SERPINE2: variants seen among roughly 807,000 people sequenced by gnomAD.
SERPINE2 encodes serpin family E member 2, also known as glia-derived nexin.
A neutral mutation model predicts 36.3 loss-of-function variants in SERPINE2; 14 were observed. That is an observed-to-expected ratio of 0.39 (90% CI 0.25 to 0.60). SERPINE2 has a LOEUF of 0.60. Ranked by LOEUF, SERPINE2 falls within the 20% of genes least tolerant of loss-of-function variation. The probability of loss-of-function intolerance (pLI) is 0.57; values close to 1 mark genes in which losing one functional copy is unlikely to be tolerated. For missense variants in SERPINE2, 418 were observed against 499.6 expected (o/e 0.84, Z 1.56); for synonymous variants, 192 against 191.8 (o/e 1.00, Z -0.01).
chr2:224,026,016 T>C (rs1287053778), intron 1 of SERPINE2, among the ~76,000 whole-genome samples: 1 of 152,242 alleles, frequency 6.6e-6, no homozygotes, highest in African/African-American at 2.4e-5. Flanking sequence ...AAGGCTGAAC[T>C]GTTCTTAATG....
chr2:224,015,422 G>A (rs1691769707), intron 1 of SERPINE2, among the ~76,000 whole-genome samples: 1 of 152,216 alleles, frequency 6.6e-6, no homozygotes, highest in African/African-American at 2.4e-5. Context: ...CAAAGGGGCG[G>A]AGAGATGGAA....
chr2:224,031,365 G>C (rs1165519322), intron 1 of SERPINE2: 2 of 985,290 alleles, frequency 2.0e-6, no homozygotes, highest in East Asian at 1.1e-4. Context: ...AGGCAGGCAC[G>C]AGGCTCTAGG....
chr2:224,016,808 A>G (rs1371245327), intron 1 of SERPINE2, among the ~76,000 whole-genome samples: 1 of 152,222 alleles, frequency 6.6e-6, no homozygotes, highest in East Asian at 1.9e-4. Context: ...GAAATAAACT[A>G]CTGACACACA....
intron 1 of SERPINE2, among the ~76,000 whole-genome samples, chr2:224,025,608 C>T (rs1169217075): frequency 6.6e-6 from 1 of 152,188 alleles, no homozygotes. Flanking sequence ...TTCCATGAAG[C>T]AATTTAGCTC....
chr2:224,026,977 T>C (rs1425975472), intron 1 of SERPINE2, among the ~76,000 whole-genome samples: 2 of 152,178 alleles, frequency 1.3e-5, no homozygotes, highest in East Asian at 1.9e-4. Context: ...ATACCAATTC[T>C]ACAAAGTTTC....
chr2:223,980,621 C>G (rs1414456858), intron 6 of SERPINE2: 1 of 492,576 alleles, frequency 2.0e-6, no homozygotes, highest in Non-Finnish European at 3.7e-6. Context: ...GAGAAGGGCC[C>G]AGGCCCTCAA....
At chr2:223,998,012 C>T in intron 3 of SERPINE2, 103 bp downstream of exon 3, 1 of 878,762 alleles carries the variant, frequency 1.1e-6, no homozygotes, top group Non-Finnish European at 1.8e-6. Flanking sequence ...TCTCAACCCA[C>T]AGGCCATTGA....
chr2:224,018,180 G>T (rs1056370713), intron 1 of SERPINE2, among the ~76,000 whole-genome samples: 1 of 152,204 alleles, frequency 6.6e-6, no homozygotes, highest in African/African-American at 2.4e-5. Flanking sequence ...GGTCACTGGC[G>T]ACTGAGGAAA....
At chr2:224,038,747 C>G in intron 1 of SERPINE2, 1 of 550,542 alleles carries the variant, frequency 1.8e-6, no homozygotes, top group Non-Finnish European at 3.2e-6. Context: ...TCAGGGCCGG[C>G]TCGGATGGCC....
chr2:224,034,132 C>T (rs1037304230), intron 1 of SERPINE2, among the ~76,000 whole-genome samples: 5 of 152,110 alleles, frequency 3.3e-5, no homozygotes, highest in Non-Finnish European at 7.4e-5. Context: ...GCAAATAAAA[C>T]TAAAACACAG....
At position 224,016,265 on chromosome 2, in the gene SERPINE2, C is replaced by T. The variant is rs142075580; in HGVS notation, c.-22-14343G>A. Among the ~76,000 whole-genome samples, 1,488 of 152,210 alleles carry T rather than the reference C, an allele frequency of 9.8e-3. 25 individuals carry two copies. Among genetic ancestry groups the T allele is most frequent in the African/African-American group, 0.032 (1,344 of 41,548 alleles). On this transcript the variant is annotated intron_variant, in intron 1 of 8. Coordinates refer to ENST00000409304, the MANE Select transcript of SERPINE2 (RefSeq NM_001136528.2). Reference sequence around the variant, plus strand: ...CTGTAATCCCAGCACTTTGGGAGGCCGAGACAGGCGGATCACCTGAGCCCG... The same window carrying T: ...CTGTAATCCCAGCACTTTGGGAGGCTGAGACAGGCGGATCACCTGAGCCCG...
chr2:224,012,263 C>T (rs1405760745), intron 1 of SERPINE2, among the ~76,000 whole-genome samples: 8 of 152,112 alleles, frequency 5.3e-5, no homozygotes, highest in Non-Finnish European at 1.0e-4. Context: ...GGGATTGCTT[C>T]TGGGAGAACA....
chr2:223,977,096 GCCAT>G (rs1690043447), intron 8 of SERPINE2, among the ~76,000 whole-genome samples: 6 of 152,182 alleles, frequency 3.9e-5, no homozygotes, highest in Admixed American at 3.9e-4. Context: ...GGCTTCCCTA[GCCAT>G]GTGAAACTGT....
At chr2:224,026,356 T>A (rs1379261819) in intron 1 of SERPINE2, among the ~76,000 whole-genome samples, 2 of 152,240 alleles carry the variant, frequency 1.3e-5, no homozygotes, top group African/African-American at 2.4e-5. Context: ...AACTCTGAAG[T>A]TATAACCTCA....
At chr2:224,034,941 T>A (rs1023745375) in intron 1 of SERPINE2, among the ~76,000 whole-genome samples, 4 of 152,216 alleles carry the variant, frequency 2.6e-5, no homozygotes, top group Admixed American at 2.0e-4. Context: ...TGTATAAAGA[T>A]AGCGGAGAGC....
chr2:223,998,295 T>C lies in SERPINE2; in HGVS notation c.307A>G (p.Lys103Glu), dbSNP rs1690975070. The C allele has an allele frequency of 6.2e-6, 10 of 1,614,188 alleles. No individual in the cohort carries two copies. Among genetic ancestry groups the C allele is most frequent in the Non-Finnish European group, 7.6e-6 (9 of 1,180,000 alleles). Residue 103 changes from lysine (K) to glutamate (E), a missense_variant, in exon 3 of 9, where the codon AAG (lysine) becomes GAG (glutamate). Physicochemically the swap from Lys to Glu is moderately conservative, Grantham distance 56. Transcript: ENST00000409304. ...GCCACTGTCACAATGTCTTTATTCTTCTTGGAGACGATGGCCTTGTTGATC... is the reference window on the plus strand; with the variant it reads ...GCCACTGTCACAATGTCTTTATTCTCCTTGGAGACGATGGCCTTGTTGATC... ...KKINKAIVSK[K>E]NKDIVTVANA...
chr2:224,016,369 C>A lies in SERPINE2; in HGVS notation c.-22-14447G>T, dbSNP rs562723627. ...AAAAATATAAAAATTAGTCAGTCGTCGCGGCAGGTGCCTATAATCCCAGCT... is the reference window on the plus strand; with the variant it reads ...AAAAATATAAAAATTAGTCAGTCGTAGCGGCAGGTGCCTATAATCCCAGCT... On this transcript the variant is annotated intron_variant, in intron 1 of 8. Transcript: ENST00000409304. Among the ~76,000 whole-genome samples, 6 of 152,182 alleles carry A rather than the reference C, an allele frequency of 3.9e-5. No individual in the cohort carries two copies. In the South Asian group the frequency reaches 1.2e-3, roughly 32 times the overall value.
chr2:224,013,079 G>C (rs781666575), intron 1 of SERPINE2, among the ~76,000 whole-genome samples: 1 of 152,126 alleles, frequency 6.6e-6, no homozygotes, highest in Non-Finnish European at 1.5e-5. Flanking sequence ...CTACATATTA[G>C]ATATTTAATG....
At chr2:224,038,796 G>A (rs866595724) in intron 1 of SERPINE2, 64 of 461,868 alleles carry the variant, frequency 1.4e-4, no homozygotes, top group African/African-American at 1.1e-3. Flanking sequence ...CCCAGCTGCG[G>A]GTATCACTGG....
Sources: gnomAD v4.1 joint callset for allele counts (sites outside exome capture counted in the v4.1 genomes callset) on GRCh38, gnomAD v4.1.1 for gene constraint, MANE v1.5 for transcripts, NCBI Gene and HGNC (gene_info 2026-07-23, HGNC 2026-07-21) for gene names.